AP2B1: variants seen among roughly 807,000 people sequenced by gnomAD.
The protein encoded by AP2B1 is AP-2 complex subunit beta.
In AP2B1, 23 loss-of-function variants were observed where a neutral mutation model predicts 102.0. The ratio of observed to expected loss-of-function variants is 0.23; its 90% CI spans 0.16 to 0.32. The LOEUF is 0.32. Among genes scored for constraint, AP2B1 ranks in the 10% least tolerant of loss-of-function variants. The pLI is 1.00. For synonymous variants in AP2B1, 381 were observed against 421.2 expected, an observed-to-expected ratio of 0.90 and a Z score of 1.17; for missense variants, 541 against 1,157.4, an observed-to-expected ratio of 0.47 and a Z score of 7.73.
chr17:35,703,288 A>G (rs978168255), intron 18 of AP2B1, among the ~76,000 whole-genome samples: 1 of 142,556 alleles, frequency 7.0e-6, no homozygotes, highest in African/African-American at 2.6e-5. Flanking sequence ...AAAAAGACCT[A>G]AAAATGGAAA....
intron 14 of AP2B1, among the ~76,000 whole-genome samples, chr17:35,667,825 C>T (rs935423360): frequency 2.6e-5 from 4 of 151,916 alleles, no homozygotes; most frequent in African/African-American, 9.7e-5. Flanking sequence ...GAATAAGTTG[C>T]GGTGAGAGGG....
chr17:35,637,867 T>C (rs752764470), intron 10 of AP2B1, among the ~76,000 whole-genome samples: 3 of 152,028 alleles, frequency 2.0e-5, no homozygotes, highest in Non-Finnish European at 4.4e-5. Flanking sequence ...GTATTTTTAG[T>C]AGAGACAGGG....
At chr17:35,597,328 GGTT>G (rs1597976073) in intron 2 of AP2B1, among the ~76,000 whole-genome samples, 2 of 152,220 alleles carry the variant, frequency 1.3e-5, no homozygotes, top group East Asian at 3.9e-4. Context: ...ACAATATTAG[GGTT>G]GTTACTTTCT....
chr17:35,617,729 A>G (rs1018724099), intron 5 of AP2B1, among the ~76,000 whole-genome samples: 4 of 152,188 alleles, frequency 2.6e-5, no homozygotes, highest in African/African-American at 9.6e-5. Flanking sequence ...CAAGGCTGTA[A>G]TTTGGCTGGG....
chr17:35,598,339 A>C lies in AP2B1; in HGVS notation c.143+4A>C. 1 of 1,594,414 alleles carries C rather than the reference A, an allele frequency of 6.3e-7. No homozygotes were observed. The highest frequency in any genetic ancestry group is 1.1e-5 in the South Asian group (1 of 89,922). ...TGACCGTGGGGAAGGATGTTAGGTAAGAGTAATCACCCTTGCCATTGATCA... is the reference window on the plus strand; with the variant it reads ...TGACCGTGGGGAAGGATGTTAGGTACGAGTAATCACCCTTGCCATTGATCA... On this transcript the variant is annotated splice_donor_region_variant and intron_variant, in intron 3 of 21. Coordinates refer to ENST00000610402, the MANE Select transcript of AP2B1 (RefSeq NM_001030006.2).
At chr17:35,660,629 C>T (rs879780541) in intron 14 of AP2B1, among the ~76,000 whole-genome samples, 1 of 151,850 alleles carries the variant, frequency 6.6e-6, no homozygotes, top group Admixed American at 6.6e-5. Flanking sequence ...ATTACAGGTG[C>T]CCGCCACCAC....
intron 18 of AP2B1, among the ~76,000 whole-genome samples, chr17:35,705,357 A>G (rs753164307): frequency 6.6e-6 from 1 of 152,212 alleles, no homozygotes; most frequent in Non-Finnish European, 1.5e-5. Context: ...TTAAGCTAAC[A>G]ATCTGCCGAT....
intron 18 of AP2B1, among the ~76,000 whole-genome samples, chr17:35,703,122 A>G (rs1324940092): frequency 6.6e-6 from 1 of 151,758 alleles, no homozygotes; most frequent in African/African-American, 2.4e-5. Context: ...AATACAAAAA[A>G]TTAGCCGGGC....
chr17:35,703,638 A>G (rs587633185), intron 18 of AP2B1, among the ~76,000 whole-genome samples: 5 of 152,264 alleles, frequency 3.3e-5, no homozygotes, highest in East Asian at 3.9e-4. Flanking sequence ...ATGAGAACAC[A>G]TGGACACAAA....
intron 3 of AP2B1, among the ~76,000 whole-genome samples, chr17:35,600,167 C>T (rs147212436): frequency 5.9e-5 from 9 of 152,016 alleles, no homozygotes; most frequent in Non-Finnish European, 8.8e-5. Flanking sequence ...CTGCAACCTC[C>T]GCCTCCCAGG....
In AP2B1 at chr17:35,608,237, G is replaced by T. The variant is rs373679511; in HGVS notation, c.375G>T (p.Pro125=). The change falls in exon 5 of 22, where the codon CCG becomes CCT. Residue 125 remains proline, a synonymous_variant. Coordinates refer to ENST00000610402, the MANE Select transcript of AP2B1 (RefSeq NM_001030006.2). ...VDKITEYLCE[P]LRKCLKDEDP... ...AAATTACAGAATATCTCTGTGAGCC[G>T]CTCCGCAAGTGCTTGAAGGATGAGG... The T allele has an allele frequency of 6.2e-6, 10 of 1,614,010 alleles. No homozygotes were observed. Among genetic ancestry groups the T allele is most frequent in the Non-Finnish European group, 8.5e-6 (10 of 1,180,042 alleles).
chr17:35,715,473 T>G (rs2076534225), intron 20 of AP2B1, among the ~76,000 whole-genome samples: 1 of 152,250 alleles, frequency 6.6e-6, no homozygotes, highest in African/African-American at 2.4e-5. Context: ...GCTCCTACTT[T>G]GTGTGTTTTT....
intron 18 of AP2B1, among the ~76,000 whole-genome samples, chr17:35,687,657 G>C (rs1169195783): frequency 3.3e-5 from 5 of 152,094 alleles, no homozygotes; most frequent in Middle Eastern, 3.4e-3. Context: ...AAGCGATCCT[G>C]CTACCTTAGG....
rs2074711123 is a variant in AP2B1 at position 35,639,651 on chromosome 17, A to T, written c.1328A>T (p.Asp443Val). 1.2e-6 allele frequency: 2 copies of T among 1,613,938 alleles called. No individual in the cohort carries two copies. Among genetic ancestry groups the T allele is most frequent in the Non-Finnish European group, 1.7e-6 (2 of 1,179,944 alleles). The change falls in exon 11 of 22, where the codon GAT becomes GTT. Residue 443 changes from aspartate to valine, a missense_variant. Coordinates refer to ENST00000610402, the MANE Select transcript of AP2B1 (RefSeq NM_001030006.2). ...CENLDSLDEP[D>V]ARAAMIWIVG... ...AACTTAGACTCGCTGGATGAGCCAGATGCTCGAGCAGCTATGATTTGGATT... is the reference window on the plus strand; with the variant it reads ...AACTTAGACTCGCTGGATGAGCCAGTTGCTCGAGCAGCTATGATTTGGATT...
chr17:35,654,617 T>A (rs1412040316), intron 13 of AP2B1, among the ~76,000 whole-genome samples: 1 of 152,172 alleles, frequency 6.6e-6, no homozygotes, highest in Non-Finnish European at 1.5e-5. Context: ...GAAATTACAA[T>A]GTTATCAAGC....
intron 3 of AP2B1, among the ~76,000 whole-genome samples, chr17:35,604,306 A>T (rs897216087): frequency 9.9e-5 from 15 of 152,032 alleles, no homozygotes; most frequent in African/African-American, 3.6e-4. Context: ...ACGAGGTCTC[A>T]CTATGTTGCC....
rs1476126591 is a variant in AP2B1, at chr17:35,593,097, C to G, written c.-23-911C>G. Among the ~76,000 whole-genome samples the G allele has an allele frequency of 2.0e-5, 3 of 152,160 alleles. No homozygotes were observed. In the East Asian group the frequency reaches 5.8e-4, roughly 29 times the overall value. The stretch of plus-strand genomic sequence containing the variant: ...CTGAACGGATGTCTCAGTCTTTTGC[C>G]TTGTTTTTAACTATAAACTGGCATT... On this transcript the variant is annotated intron_variant, in intron 1 of 21. Coordinates refer to ENST00000610402, the MANE Select transcript of AP2B1 (RefSeq NM_001030006.2).
intron 5 of AP2B1, among the ~76,000 whole-genome samples, chr17:35,613,077 C>G (rs753411675): frequency 4.6e-5 from 7 of 150,834 alleles, no homozygotes; most frequent in Non-Finnish European, 1.0e-4. Flanking sequence ...CCTTATTTTA[C>G]TGCTCTTGAG....
chr17:35,629,820 A>C (rs2074414194), intron 9 of AP2B1, among the ~76,000 whole-genome samples: 1 of 152,206 alleles, frequency 6.6e-6, no homozygotes, highest in Non-Finnish European at 1.5e-5. Context: ...ATTGGTTTCT[A>C]GCTTGGCTGC....
Sources: allele counts gnomAD v4.1 joint callset (sites outside exome capture counted in the v4.1 genomes callset), GRCh38; gene constraint gnomAD v4.1.1; transcripts MANE v1.5; gene names NCBI Gene and HGNC (gene_info 2026-07-23, HGNC 2026-07-21).